Variants in FGGY observed in about 807,000 individuals in gnomAD.
The protein encoded by FGGY is FGGY carbohydrate kinase domain containing.
FGGY carries 72 observed loss-of-function variants against 71.3 expected under a neutral mutation model. That is an observed-to-expected ratio of 1.01 (90% CI 0.84 to 1.23). The LOEUF is 1.23. Ranked by LOEUF, FGGY falls within the 50% of genes most tolerant of loss-of-function variation. The pLI is 0.00. For synonymous variants in FGGY, 251 were observed against 250.3 expected (o/e 1.00, Z -0.02); for missense variants, 668 against 682.3 (o/e 0.98, Z 0.23).
chr1:59,515,564 C>T (rs1322556715), intron 7 of FGGY, among the ~76,000 whole-genome samples: 1 of 152,100 alleles, frequency 6.6e-6, no homozygotes, highest in East Asian at 1.9e-4. Context: ...TCTCAACTAA[C>T]TTATATCTCC....
chr1:59,714,492 G>A (rs1207041589), intron 14 of FGGY, among the ~76,000 whole-genome samples: 1 of 152,176 alleles, frequency 6.6e-6, no homozygotes, highest in African/African-American at 2.4e-5. Context: ...ATGGTCCACT[G>A]AACTCTGGGA....
At position 59,507,405 on chromosome 1, in the gene FGGY, G is replaced by A. The variant is rs573743795; in HGVS notation, c.671-4906G>A. On this transcript the variant is annotated intron_variant, in intron 6 of 15. Transcript: ENST00000303721. ...TAAGTTAAACTTAATTTAACAAAAG[G>A]AAGTCATATACTGCATGTTTTGCAG... Among the ~76,000 whole-genome samples the A allele has an allele frequency of 2.6e-5, 4 of 152,306 alleles. No homozygotes were observed. In the East Asian group the frequency reaches 7.7e-4, roughly 29 times the overall value.
At chr1:59,710,264 A>C (rs999791164) in intron 14 of FGGY, among the ~76,000 whole-genome samples, 1 of 152,126 alleles carries the variant, frequency 6.6e-6, no homozygotes, top group South Asian at 2.1e-4. Context: ...CTGAAACTGG[A>C]CCCCTTCCTT....
At chr1:59,353,919 G>C (rs932129700) in intron 4 of FGGY, among the ~76,000 whole-genome samples, 2 of 152,028 alleles carry the variant, frequency 1.3e-5, no homozygotes, top group Non-Finnish European at 2.9e-5. Context: ...AAAGAATAAA[G>C]ATACAGAGCA....
intron 2 of FGGY, among the ~76,000 whole-genome samples, chr1:59,335,708 G>A (rs980755205): frequency 6.6e-6 from 1 of 152,058 alleles, no homozygotes; most frequent in Admixed American, 6.6e-5. Flanking sequence ...TAATATTCTA[G>A]TAAGTGTGCA....
intron 6 of FGGY, among the ~76,000 whole-genome samples, chr1:59,502,775 G>T (rs1223854946): frequency 6.6e-6 from 1 of 152,170 alleles, no homozygotes; most frequent in East Asian, 1.9e-4. Context: ...CCTTCTCTGG[G>T]TTCAGTTTTC....
intron 14 of FGGY, among the ~76,000 whole-genome samples, chr1:59,745,174 A>G (rs1024864856): frequency 8.5e-5 from 13 of 152,114 alleles, no homozygotes; most frequent in African/African-American, 2.9e-4. Flanking sequence ...TGGCTTGGCT[A>G]GAGGGTTTCT....
rs374916903 is a variant in FGGY at position 59,340,013 on chromosome 1, C to T, written c.257C>T (p.Thr86Met). The T allele has an allele frequency of 4.5e-5, 72 of 1,613,296 alleles. No individual in the cohort carries two copies. The East Asian group carries it at 7.1e-4, about 16-fold the overall frequency. ...ATTCGAGGACTTGGGTTTGATGCCA[C>T]GTGTTCTCTGGTTGTTTTGGATAAG... ...NQIRGLGFDATCSLVVLDKQF... is the reference protein window; with the variant it reads ...NQIRGLGFDAMCSLVVLDKQF... Residue 86 changes from threonine to methionine, a missense_variant, in exon 3 of 16, where the codon ACG (threonine) becomes ATG (methionine). This residue lies in a region of FGGY where 661 missense variants were observed against 661.6 expected (regional missense o/e 1.00). Transcript: ENST00000303721.
At chr1:59,686,525 C>T (rs1311552570) in intron 14 of FGGY, among the ~76,000 whole-genome samples, 1 of 152,118 alleles carries the variant, frequency 6.6e-6, no homozygotes, top group Non-Finnish European at 1.5e-5. Flanking sequence ...TCCATTTGGA[C>T]AATTGCTACC....
chr1:59,530,930 G>C (rs1427544034), intron 7 of FGGY, among the ~76,000 whole-genome samples: 1 of 152,152 alleles, frequency 6.6e-6, no homozygotes, highest in Non-Finnish European at 1.5e-5. Flanking sequence ...CAGAAGACGG[G>C]ACTGTTGTAA....
intron 8 of FGGY, among the ~76,000 whole-genome samples, chr1:59,606,075 G>A (rs79235939): frequency 6.6e-6 from 1 of 151,930 alleles, no homozygotes; most frequent in Admixed American, 6.6e-5. Flanking sequence ...ATCCCCACCC[G>A]TTCTAGTTCA....
intron 1 of FGGY, among the ~76,000 whole-genome samples, chr1:59,311,241 A>AT (rs879455696): frequency 7.7e-4 from 113 of 146,042 alleles, no homozygotes; most frequent in Admixed American, 1.1e-3. Context: ...CAAACCTGAA[A>AT]TTTTTTTTTT....
chr1:59,695,690 A>G (rs932720178), intron 14 of FGGY, among the ~76,000 whole-genome samples: 13 of 152,188 alleles, frequency 8.5e-5, no homozygotes, highest in African/African-American at 3.1e-4. Flanking sequence ...GGACTTTCAG[A>G]TCTGCCTGAT....
At chr1:59,755,672 TG>T (rs1439559354) in intron 14 of FGGY, 1 of 152,212 alleles carries the variant, frequency 6.6e-6, no homozygotes, top group Non-Finnish European at 1.5e-5. Flanking sequence ...GCAAAGGTAA[TG>T]TGGAGAAAGG....
intron 7 of FGGY, among the ~76,000 whole-genome samples, chr1:59,520,359 A>G (rs1277273313): frequency 6.6e-6 from 1 of 152,188 alleles, no homozygotes; most frequent in Non-Finnish European, 1.5e-5. Context: ...TCTATTTCAG[A>G]GTCAAGCCAC....
chr1:59,620,136 C>T (rs904508239), intron 9 of FGGY, among the ~76,000 whole-genome samples: 1 of 151,850 alleles, frequency 6.6e-6, no homozygotes, highest in African/African-American at 2.4e-5. Flanking sequence ...AGTAACTGAT[C>T]CCCAAAGTTG....
chr1:59,593,044 C>T (rs768258343), intron 8 of FGGY, among the ~76,000 whole-genome samples: 1 of 151,738 alleles, frequency 6.6e-6, no homozygotes, highest in Non-Finnish European at 1.5e-5. Flanking sequence ...ATAGAAGAAA[C>T]CACACATATA....
At chr1:59,481,617 CTT>C (rs1185606849) in intron 6 of FGGY, among the ~76,000 whole-genome samples, 1 of 152,142 alleles carries the variant, frequency 6.6e-6, no homozygotes, top group African/African-American at 2.4e-5. Context: ...TCTGTTGACT[CTT>C]TAGCTGTCAA....
At chr1:59,547,517 G>A (rs1391920079) in intron 7 of FGGY, among the ~76,000 whole-genome samples, 1 of 152,170 alleles carries the variant, frequency 6.6e-6, no homozygotes, top group African/African-American at 2.4e-5. Context: ...CCACAATTTA[G>A]TAGTGTGGGA....
Sources: allele counts gnomAD v4.1 joint callset (sites outside exome capture counted in the v4.1 genomes callset), GRCh38; gene constraint gnomAD v4.1.1; regional missense constraint gnomAD v4.1.1; transcripts MANE v1.5; gene names NCBI Gene and HGNC (gene_info 2026-07-23, HGNC 2026-07-21).